ABCA13: variants seen among roughly 807,000 people sequenced by gnomAD.
The protein encoded by ABCA13 is ATP-binding cassette sub-family A member 13.
In ABCA13, 476 loss-of-function variants were observed where a neutral mutation model predicts 478.7. The observed-to-expected ratio is 0.99, with a 90% confidence interval of 0.92 to 1.07. The LOEUF (loss-of-function observed/expected upper bound fraction) is 1.07. Among genes scored for constraint, ABCA13 ranks in the 50% least tolerant of loss-of-function variants. ABCA13 has a pLI of 0.00. For synonymous variants in ABCA13, 2,252 were observed against 2,158.9 expected, an observed-to-expected ratio of 1.04 and a Z score of -1.20; for missense variants, 6,060 against 5,910.6, an observed-to-expected ratio of 1.03 and a Z score of -0.83.
rs537687475 is a variant in ABCA13, at chr7:48,392,693, G to C, written c.11873+554G>C. On this transcript the variant is annotated intron_variant, in intron 38 of 61. Coordinates refer to ENST00000435803, the MANE Select transcript of ABCA13 (RefSeq NM_152701.5). ...GCCTGAGATCTGGAAGATCTCTCCTGCTAGATCATAGCAGGTGCCATGGGA... is the reference window on the plus strand; with the variant it reads ...GCCTGAGATCTGGAAGATCTCTCCTCCTAGATCATAGCAGGTGCCATGGGA... Among the ~76,000 whole-genome samples the C allele has an allele frequency of 5.3e-5, 8 of 152,306 alleles. No individual in the cohort carries two copies. The East Asian group carries it at 1.2e-3, about 22-fold the overall frequency.
At chr7:48,261,789 T>C (rs1207289172) in intron 15 of ABCA13, among the ~76,000 whole-genome samples, 1 of 151,976 alleles carries the variant, frequency 6.6e-6, no homozygotes, top group East Asian at 1.9e-4. Context: ...GTGTGATCTG[T>C]CTTTTATGTG....
In ABCA13 at chr7:48,585,251, G is replaced by C. The variant is rs191410085; in HGVS notation, c.14506-1903G>C. Among the ~76,000 whole-genome samples the C allele has an allele frequency of 1.7e-3, 257 of 152,144 alleles. 3 individuals carry two copies. Among genetic ancestry groups the C allele is most frequent in the African/African-American group, 5.8e-3 (240 of 41,486 alleles). On this transcript the variant is annotated intron_variant, in intron 56 of 61. Coordinates refer to ENST00000435803, the MANE Select transcript of ABCA13 (RefSeq NM_152701.5). ...ACTTAAGTGAATTTTTATTCAACTT[G>C]TGATAATTAAAATAGTTGTTCTGAA...
At chr7:48,249,759 A>C (rs1792251515) in intron 15 of ABCA13, among the ~76,000 whole-genome samples, 1 of 152,180 alleles carries the variant, frequency 6.6e-6, no homozygotes, top group Non-Finnish European at 1.5e-5. Context: ...CTATAGAAGA[A>C]AACACAAACT....
intron 27 of ABCA13, among the ~76,000 whole-genome samples, chr7:48,321,340 C>T (rs780802639): frequency 2.0e-5 from 3 of 152,086 alleles, no homozygotes; most frequent in Non-Finnish European, 2.9e-5. Flanking sequence ...CAGACGGGAG[C>T]GGGTGGGAGC....
At chr7:48,542,881 T>C (rs1834031060) in intron 55 of ABCA13, among the ~76,000 whole-genome samples, 1 of 151,696 alleles carries the variant, frequency 6.6e-6, no homozygotes. Flanking sequence ...TCAAAAAGAA[T>C]AGGTTGATAA....
At chr7:48,322,064 TA>T (rs1803564409) in intron 27 of ABCA13, among the ~76,000 whole-genome samples, 1 of 152,140 alleles carries the variant, frequency 6.6e-6, no homozygotes, top group South Asian at 2.1e-4. Flanking sequence ...CCCCAGTGGG[TA>T]AAAACTGGAT....
rs183821617 is a variant in ABCA13 at position 48,552,861 on chromosome 7, A to T, written c.14354+24516A>T. ...TATACTATTAGTTATTTTAAAATGT[A>T]TAATTAAGTTATTATTGACTGTTAT... On this transcript the variant is annotated intron_variant, in intron 55 of 61. Coordinates refer to ENST00000435803, the MANE Select transcript of ABCA13 (RefSeq NM_152701.5). 5.9e-5 allele frequency among the ~76,000 whole-genome samples: 9 copies of T among 151,764 alleles called. No individual in the cohort carries two copies. In the East Asian group the frequency reaches 1.7e-3, roughly 29 times the overall value.
chr7:48,407,511 AAAT>A (rs1217625732), intron 39 of ABCA13, among the ~76,000 whole-genome samples: 1 of 152,008 alleles, frequency 6.6e-6, no homozygotes, highest in Admixed American at 6.6e-5. Context: ...AGCCAATAAG[AAAT>A]AATAATACAG....
intron 35 of ABCA13, among the ~76,000 whole-genome samples, chr7:48,380,805 G>A (rs562613803): frequency 7.6e-4 from 115 of 152,206 alleles, no homozygotes; most frequent in African/African-American, 2.6e-3. Flanking sequence ...CCTAGCCATA[G>A]TAAAGGACTC....
chr7:48,530,811 C>T (rs1833177611), intron 55 of ABCA13, among the ~76,000 whole-genome samples: 1 of 152,062 alleles, frequency 6.6e-6, no homozygotes, highest in African/African-American at 2.4e-5. Flanking sequence ...TATTCATGTC[C>T]TTAGCCCACT....
chr7:48,522,141 G>A (rs1832586990), intron 53 of ABCA13, among the ~76,000 whole-genome samples: 1 of 152,120 alleles, frequency 6.6e-6, no homozygotes, highest in African/African-American at 2.4e-5. Context: ...TTGGTTTATG[G>A]TATCGATATG....
intron 55 of ABCA13, among the ~76,000 whole-genome samples, chr7:48,559,731 T>G (rs1318758092): frequency 6.6e-6 from 1 of 152,162 alleles, no homozygotes; most frequent in Admixed American, 6.5e-5. Context: ...GACTCAAAAG[T>G]TCTTTCGTCA....
chr7:48,325,858 C>T (rs1804247228), intron 27 of ABCA13, among the ~76,000 whole-genome samples: 1 of 152,136 alleles, frequency 6.6e-6, no homozygotes, highest in Non-Finnish European at 1.5e-5. Flanking sequence ...AAATCCAGAC[C>T]CTACTGAAGT....
chr7:48,465,091 T>C (rs1270359075), intron 43 of ABCA13, among the ~76,000 whole-genome samples: 1 of 152,158 alleles, frequency 6.6e-6, no homozygotes, highest in East Asian at 1.9e-4. Context: ...TAGGCTGGGC[T>C]GGGTGCCGTG....
chr7:48,487,132 GA>G, intron 47 of ABCA13, among the ~76,000 whole-genome samples: 1 of 152,096 alleles, frequency 6.6e-6, no homozygotes, highest in East Asian at 1.9e-4. Flanking sequence ...CCAACATGGA[GA>G]TACCCCATCT....
chr7:48,317,361 A>T, intron 27 of ABCA13, 65 bp downstream of exon 27: 1 of 1,518,374 alleles, frequency 6.6e-7, no homozygotes, highest in African/African-American at 1.4e-5. Flanking sequence ...GAATCTTTAA[A>T]AATGTCTGAC....
intron 35 of ABCA13, among the ~76,000 whole-genome samples, chr7:48,379,347 G>C (rs6966454): frequency 0.25 from 37,643 of 151,918 alleles, 5,281 homozygotes; most frequent in African/African-American, 0.39. Context: ...TTTCTAGGAG[G>C]TCTCAGACCC....
Position 48,279,927 on chromosome 7 carries a change from A to G in ABCA13, c.8726+7A>G. The G allele has an allele frequency of 6.6e-7, 1 of 1,506,116 alleles. No homozygotes were observed. The highest frequency in any genetic ancestry group is 8.8e-7 in the Non-Finnish European group (1 of 1,130,704). The allele number at this position is 1,506,116 out of a possible 1,614,324, so 93.3% of individuals were successfully genotyped here. Reference sequence around the variant, plus strand: ...TCCCACTAACAGATCAAAGGTAATTAAAAAGCTGAATTCACTTTGTTTTTT... The same window carrying G: ...TCCCACTAACAGATCAAAGGTAATTGAAAAGCTGAATTCACTTTGTTTTTT... On this transcript the variant is annotated splice_region_variant and intron_variant, in intron 18 of 61. Transcript: ENST00000435803.
intron 15 of ABCA13, among the ~76,000 whole-genome samples, chr7:48,257,269 CTT>C (rs1045878315): frequency 2.7e-4 from 41 of 152,102 alleles, no homozygotes; most frequent in African/African-American, 9.7e-4. Flanking sequence ...GACTTCCTCT[CTT>C]CCTGTTTGGC....
Sources: gnomAD v4.1 joint callset for allele counts (sites outside exome capture counted in the v4.1 genomes callset) on GRCh38, gnomAD v4.1.1 for gene constraint, MANE v1.5 for transcripts, NCBI Gene and HGNC (gene_info 2026-07-23, HGNC 2026-07-21) for gene names.